The following RPS6KA2 variants were observed in gnomAD, a reference collection of about 807,000 sequenced individuals.
RPS6KA2 encodes the protein ribosomal protein S6 kinase alpha-2.
A neutral mutation model predicts 91.8 loss-of-function variants in RPS6KA2; 42 were observed. That is an observed-to-expected ratio of 0.46 (90% CI 0.36 to 0.59). The LOEUF (loss-of-function observed/expected upper bound fraction) is 0.59, where lower values mean the gene tolerates loss of function less well. Ranked by LOEUF, RPS6KA2 falls within the 20% of genes least tolerant of loss-of-function variation. RPS6KA2 has a pLI of 0.00. For missense variants in RPS6KA2, 798 were observed against 978.5 expected (o/e 0.82, Z 2.46); for synonymous variants, 414 against 393.6 (o/e 1.05, Z -0.61).
intron 11 of RPS6KA2, among the ~76,000 whole-genome samples, chr6:166,467,560 G>A (rs570176599): frequency 6.6e-6 from 1 of 152,296 alleles, no homozygotes; most frequent in African/African-American, 2.4e-5. Flanking sequence ...AGACCAGTGA[G>A]CCCTTGGGAG....
intron 12 of RPS6KA2, among the ~76,000 whole-genome samples, chr6:166,453,542 A>T (rs1779986741): frequency 6.6e-6 from 1 of 152,250 alleles, no homozygotes; most frequent in African/African-American, 2.4e-5. Flanking sequence ...ATCAGTCAGA[A>T]TGGCTATTAC....
At position 166,448,848 on chromosome 6, in the gene RPS6KA2, T is replaced by C. The variant is rs1041322336; in HGVS notation, c.1208A>G (p.Gln403Arg). ...HKVPVHPIVQ[Q>R]LHGNNIHFTD... is the part of the protein sequence containing the mutation. Reference sequence around the variant, plus strand: ...GAAGTGGATGTTGTTCCCGTGTAACTGCTGCAGAGGGACCAAGAGAAGAAG... The same window carrying C: ...GAAGTGGATGTTGTTCCCGTGTAACCGCTGCAGAGGGACCAAGAGAAGAAG... The change falls in exon 14 of 21, where the codon CAG becomes CGG. Residue 403 changes from glutamine to arginine, a missense_variant and splice_region_variant. Coordinates refer to ENST00000265678, the MANE Select transcript of RPS6KA2 (RefSeq NM_021135.6). This position sits in a 1 kb window ranked among gnomAD's most constrained non-coding sequence, Gnocchi z 4.7. 2.5e-6 allele frequency: 4 copies of C among 1,613,664 alleles called. No individual in the cohort carries two copies. The highest frequency in any genetic ancestry group is 3.4e-6 in the Non-Finnish European group (4 of 1,179,886).
rs554471518 is a variant in RPS6KA2 at position 166,712,006 on chromosome 6, G to A, written c.123+146194C>T. Among the ~76,000 whole-genome samples, 10 of 152,282 alleles carry A rather than the reference G, an allele frequency of 6.6e-5. No individual in the cohort carries two copies. The East Asian group carries it at 1.9e-3, about 29-fold the overall frequency. ...AATCATTACAGATCCTGCAGACTTGGCAAGGATAATAAGGGCACACTGTGA... is the reference window on the plus strand; with the variant it reads ...AATCATTACAGATCCTGCAGACTTGACAAGGATAATAAGGGCACACTGTGA... On this transcript the variant is annotated intron_variant, in intron 2 of 21. Transcript: ENST00000503859.
chr6:166,577,461 C>A (rs1382947255), intron 1 of RPS6KA2, among the ~76,000 whole-genome samples: 2 of 152,234 alleles, frequency 1.3e-5, no homozygotes, highest in African/African-American at 4.8e-5. Flanking sequence ...TGGGAACCCA[C>A]CTCTTGCATC....
At chr6:166,576,168 C>G (rs1037880089) in intron 1 of RPS6KA2, among the ~76,000 whole-genome samples, 3 of 152,220 alleles carry the variant, frequency 2.0e-5, no homozygotes, top group African/African-American at 7.2e-5. Context: ...GAGGCCTCCC[C>G]AGCCATGTGG....
Position 166,648,123 on chromosome 6 carries a change from C to T in RPS6KA2, c.124-109339G>A, listed in dbSNP as rs894874830. ...ATACACACACGTGCACACACACGCT[C>T]ATACACATACATGCACACACGCACA... is the stretch of plus-strand genomic sequence containing the variant. On this transcript the variant is annotated intron_variant, in intron 2 of 21. Transcript: ENST00000503859. This position sits in a 1 kb window ranked among gnomAD's most constrained non-coding sequence, Gnocchi z 4.8. Among the ~76,000 whole-genome samples, 1 of 150,724 alleles carries T rather than the reference C, an allele frequency of 6.6e-6. No individual in the cohort carries two copies. The highest frequency in any genetic ancestry group is 1.5e-5 in the Non-Finnish European group (1 of 67,670).
rs549219788 is a variant in RPS6KA2 at position 166,582,768 on chromosome 6, T to C, written c.100-43984A>G. 2.7e-3 allele frequency among the ~76,000 whole-genome samples: 411 copies of C among 152,254 alleles called. 1 individual carries two copies. The highest frequency in any genetic ancestry group is 9.4e-3 in the African/African-American group (390 of 41,532). ...GCTTTGAAAGAACTTCTTTTAGGGGTTCTTATGTAAGAATTGCTATTATGC... is the reference window on the plus strand; with the variant it reads ...GCTTTGAAAGAACTTCTTTTAGGGGCTCTTATGTAAGAATTGCTATTATGC... On this transcript the variant is annotated intron_variant, in intron 1 of 20. Coordinates refer to ENST00000265678, the MANE Select transcript of RPS6KA2 (RefSeq NM_021135.6).
rs1443646639 is a variant in RPS6KA2, at chr6:166,494,784, G to A, written c.747+3724C>T. ...TGCTGCTCCTCGGGAAGAGATCCCA[G>A]CACACATCCACCTCCAGGGGACGGA... On this transcript the variant is annotated intron_variant, in intron 8 of 20. Transcript: ENST00000265678. This position sits in a 1 kb window ranked among gnomAD's most constrained non-coding sequence, Gnocchi z 5.1. Among the ~76,000 whole-genome samples the A allele has an allele frequency of 6.6e-6, 1 of 152,196 alleles. No individual in the cohort carries two copies.
intron 2 of RPS6KA2, among the ~76,000 whole-genome samples, chr6:166,742,922 C>T (rs1300225101): frequency 2.6e-5 from 4 of 152,166 alleles, no homozygotes; most frequent in African/African-American, 7.2e-5. Flanking sequence ...TGACTAATGG[C>T]GCTGAAATAA....
intron 1 of RPS6KA2, among the ~76,000 whole-genome samples, chr6:166,572,247 A>G (rs1479260177): frequency 6.6e-6 from 1 of 152,258 alleles, no homozygotes; most frequent in Non-Finnish European, 1.5e-5. Context: ...TCTAATTGGA[A>G]TATCTGATAC....
At chr6:166,601,780 A>G (rs1785738918) in intron 1 of RPS6KA2, among the ~76,000 whole-genome samples, 1 of 152,166 alleles carries the variant, frequency 6.6e-6, no homozygotes, top group Non-Finnish European at 1.5e-5. Context: ...CGTTAAAATT[A>G]AAACTTTAAA....
chr6:166,512,907 T>C (rs1782520305), intron 3 of RPS6KA2, among the ~76,000 whole-genome samples: 1 of 152,154 alleles, frequency 6.6e-6, no homozygotes, highest in South Asian at 2.1e-4. Context: ...TGATCTCTCC[T>C]TGCTGTTCCA....
intron 14 of RPS6KA2, among the ~76,000 whole-genome samples, chr6:166,439,728 G>A (rs1340778923): frequency 1.3e-5 from 2 of 152,182 alleles, no homozygotes; most frequent in Non-Finnish European, 2.9e-5. Flanking sequence ...GGCTTTGGGT[G>A]CATATTTGTG....
chr6:166,575,029 C>G (rs2128511944), intron 1 of RPS6KA2, among the ~76,000 whole-genome samples: 1 of 152,254 alleles, frequency 6.6e-6, no homozygotes, highest in South Asian at 2.1e-4. Context: ...CTGGTCTGCC[C>G]CACTGCTCCC....
intron 5 of RPS6KA2, among the ~76,000 whole-genome samples, chr6:166,505,472 C>CAA (rs1018580356): frequency 1.3e-5 from 2 of 152,228 alleles, no homozygotes; most frequent in Admixed American, 1.3e-4. Context: ...ATCATGACCA[C>CAA]AAGCCATTTT....
chr6:166,436,473 G>A (rs973530296), intron 14 of RPS6KA2, among the ~76,000 whole-genome samples: 1 of 152,230 alleles, frequency 6.6e-6, no homozygotes, highest in Non-Finnish European at 1.5e-5. Flanking sequence ...GGCTCTCAAT[G>A]CCAAAGAGCT....
At chr6:166,822,781 G>T (rs576143005) in intron 2 of RPS6KA2, among the ~76,000 whole-genome samples, 1 of 137,846 alleles carries the variant, frequency 7.3e-6, no homozygotes, top group African/African-American at 2.7e-5. Context: ...GGCTCAGCAC[G>T]TGTTTTCCAA....
At chr6:166,443,544 AC>A (rs1452834118) in intron 14 of RPS6KA2, among the ~76,000 whole-genome samples, 15 of 152,334 alleles carry the variant, frequency 9.8e-5, no homozygotes, top group African/African-American at 3.4e-4. Flanking sequence ...GAGGAGTGTC[AC>A]AGGACGTTTA....
chr6:166,673,120 G>A (rs992019658), intron 2 of RPS6KA2, among the ~76,000 whole-genome samples: 3 of 152,124 alleles, frequency 2.0e-5, no homozygotes, highest in Non-Finnish European at 4.4e-5. Context: ...CAGAACCTCA[G>A]TCTCCCGCTG....
Sources: gnomAD v4.1 joint callset for allele counts (sites outside exome capture counted in the v4.1 genomes callset) on GRCh38, gnomAD v4.1.1 for gene constraint, Gnocchi (gnomAD v3.1) non-coding constraint, MANE v1.5 for transcripts, NCBI Gene and HGNC (gene_info 2026-07-23, HGNC 2026-07-21) for gene names.